ATG4B: variants seen among roughly 807,000 people sequenced by gnomAD.
The protein encoded by ATG4B is autophagy related 4B cysteine peptidase.
ATG4B carries 29 observed loss-of-function variants against 56.6 expected under a neutral mutation model. That is an observed-to-expected ratio of 0.51 (90% CI 0.38 to 0.70). ATG4B has a LOEUF of 0.70. ATG4B is among the 30% of genes least tolerant of loss of function. The pLI is 0.00. For synonymous variants in ATG4B, 224 were observed against 206.1 expected, an observed-to-expected ratio of 1.09 and a Z score of -0.74; for missense variants, 461 against 515.5, an observed-to-expected ratio of 0.89 and a Z score of 1.02.
chr2:241,644,064 G>A (rs1487770851), intron 1 of ATG4B, among the ~76,000 whole-genome samples: 1 of 152,068 alleles, frequency 6.6e-6, no homozygotes, highest in African/African-American at 2.4e-5. Context: ...AGTCAGTGAA[G>A]GAACAAGTGT....
chr2:241,651,835 G>A lies in ATG4B; in HGVS notation c.184+500G>A. 1 of 1,210,504 alleles carries A rather than the reference G, an allele frequency of 8.3e-7. No individual in the cohort carries two copies. The highest frequency in any genetic ancestry group is 1.3e-5 in the South Asian group (1 of 79,180). The allele number at this position is 1,210,504 out of a possible 1,614,324, so 75.0% of individuals were successfully genotyped here. A position where few individuals can be genotyped will look rare whatever the true frequency, so the allele number is the denominator to read the frequency against. ...CCTGTGGGGAGATTTGAAGGGCCAGGTGAATGTGACATGTTTTTATGTAAC... is the reference window on the plus strand; with the variant it reads ...CCTGTGGGGAGATTTGAAGGGCCAGATGAATGTGACATGTTTTTATGTAAC... On this transcript the variant is annotated intron_variant, in intron 3 of 12. Coordinates refer to ENST00000404914, the MANE Select transcript of ATG4B (RefSeq NM_013325.5). This position sits in a 1 kb window ranked among gnomAD's most constrained non-coding sequence, Gnocchi z 4.1.
intron 1 of ATG4B, among the ~76,000 whole-genome samples, chr2:241,639,677 G>A (rs368127346): frequency 2.6e-5 from 4 of 152,164 alleles, no homozygotes; most frequent in African/African-American, 7.2e-5. Context: ...ACCCAAAGTC[G>A]GGTGGTCTCC....
intron 11 of ATG4B, 100 bp downstream of exon 11, chr2:241,670,882 C>A: frequency 8.1e-7 from 1 of 1,238,436 alleles, no homozygotes; most frequent in Non-Finnish European, 1.2e-6. Context: ...TCTCAGGCAG[C>A]CTCACTGGGC....
rs112575235 is a variant in ATG4B, at chr2:241,671,640, G to A, written c.1108+235G>A. The A allele has an allele frequency of 0.012, 17,011 of 1,455,284 alleles. 1,406 individuals are homozygous for A. In the African/African-American group the frequency reaches 0.19, roughly 16 times the overall value. 90.1% of individuals were successfully genotyped at this position (1,455,284 alleles called of 1,614,324 possible). On this transcript the variant is annotated intron_variant, in intron 12 of 12. Transcript: ENST00000404914. Reference sequence around the variant, plus strand: ...CCCCACCAGCGCTGCCTGCCCGGGCGCTGTGGAGCTGGGCGTGCTACCATG... The same window carrying A: ...CCCCACCAGCGCTGCCTGCCCGGGCACTGTGGAGCTGGGCGTGCTACCATG...
intron 10 of ATG4B, among the ~76,000 whole-genome samples, chr2:241,669,799 G>A (rs1055405194): frequency 6.6e-5 from 10 of 152,198 alleles, no homozygotes; most frequent in African/African-American, 1.2e-4. Flanking sequence ...GAGCCACTGC[G>A]CGCAGCCTGG....
At chr2:241,654,430 A>G in intron 4 of ATG4B, 116 bp from the exon 5 acceptor site, 1 of 702,678 alleles carries the variant, frequency 1.4e-6, no homozygotes, top group Non-Finnish European at 2.3e-6. Context: ...AAAAAAAAAA[A>G]AAAAAAAAAA....
chr2:241,666,307 G>C (rs1320592946), intron 7 of ATG4B, among the ~76,000 whole-genome samples: 5 of 152,254 alleles, frequency 3.3e-5, no homozygotes, highest in Non-Finnish European at 7.3e-5. Context: ...GGTTCTGGCT[G>C]TGCTGGCACT....
intron 3 of ATG4B, chr2:241,653,257 A>C (rs760210872): frequency 6.0e-6 from 8 of 1,341,484 alleles, no homozygotes; most frequent in Non-Finnish European, 8.3e-6. Context: ...TTTGTCAGAC[A>C]TTCCTTTTGC....
chr2:241,663,503 T>C (rs1355751933), intron 7 of ATG4B, among the ~76,000 whole-genome samples: 1 of 152,240 alleles, frequency 6.6e-6, no homozygotes, highest in African/African-American at 2.4e-5. Context: ...ACTATGTATC[T>C]GAACCTGATG....
In ATG4B at chr2:241,672,906, C is replaced by T. The variant is rs1280795836; in HGVS notation, c.*642C>T. 3 of 161,514 alleles carry T rather than the reference C, an allele frequency of 1.9e-5. No homozygotes were observed. The East Asian group carries it at 5.3e-4, about 29-fold the overall frequency. The allele number at this position is 161,514 out of a possible 1,614,324, so 10.0% of individuals were successfully genotyped here. A position where few individuals can be genotyped will look rare whatever the true frequency, so the allele number is the denominator to read the frequency against. On this transcript the variant is annotated 3_prime_UTR_variant, in exon 13 of 13. Transcript: ENST00000404914. ...GGGTGTGTGGGAAACCTGAAGATGGCGTGCACAGGACACAGCGTGGGCGGC... is the reference window on the plus strand; with the variant it reads ...GGGTGTGTGGGAAACCTGAAGATGGTGTGCACAGGACACAGCGTGGGCGGC...
chr2:241,649,508 A>G (rs2068165900), intron 1 of ATG4B, among the ~76,000 whole-genome samples: 1 of 152,226 alleles, frequency 6.6e-6, no homozygotes, highest in Admixed American at 6.5e-5. Flanking sequence ...AGGATGAGTG[A>G]TCAGACACCA....
intron 1 of ATG4B, among the ~76,000 whole-genome samples, chr2:241,650,062 G>A (rs554633362): frequency 5.3e-5 from 8 of 152,258 alleles, no homozygotes; most frequent in Admixed American, 3.9e-4. Context: ...GGGATCACAG[G>A]CATGAGCCAC....
rs914552382 is a variant in ATG4B at position 241,668,752 on chromosome 2, A to G, written c.957+67A>G. On this transcript the variant is annotated intron_variant, in intron 10 of 12. Coordinates refer to ENST00000404914, the MANE Select transcript of ATG4B (RefSeq NM_013325.5). The surrounding 1 kb of genome is among the most constrained non-coding windows in gnomAD (Gnocchi z 4.2). ...ATGCTGTTTGGGAATGACGAGGAAA[A>G]CTTTCGGATTTTTGCGTTTTTTTTT... The G allele has an allele frequency of 3.4e-5, 51 of 1,503,046 alleles. No individual in the cohort carries two copies. The highest frequency in any genetic ancestry group is 1.4e-5 in the African/African-American group (1 of 69,532). The allele number at this position is 1,503,046 out of a possible 1,614,324, so 93.1% of individuals were successfully genotyped here.
At chr2:241,646,411 C>T (rs530265996) in intron 1 of ATG4B, among the ~76,000 whole-genome samples, 25 of 152,312 alleles carry the variant, frequency 1.6e-4, no homozygotes, top group African/African-American at 6.0e-4. Flanking sequence ...ACTGATTCAA[C>T]AATATGGTCC....
intron 1 of ATG4B, 59 bp from the exon 2 acceptor site, chr2:241,650,951 T>C: frequency 1.4e-6 from 2 of 1,419,220 alleles, no homozygotes; most frequent in South Asian, 2.5e-5. Flanking sequence ...ATGGCCTCTT[T>C]CGATACTAGT....
intron 11 of ATG4B, 76 bp downstream of exon 11, chr2:241,670,858 G>A (rs928541581): frequency 6.2e-6 from 9 of 1,442,624 alleles, no homozygotes; most frequent in Non-Finnish European, 8.6e-6. Flanking sequence ...AGGGGTCGAA[G>A]GCCTGCGTCC....
rs371577954 is a variant in ATG4B at position 241,639,178 on chromosome 2, A to T, written c.10+1454A>T. Among the ~76,000 whole-genome samples, 5 of 152,312 alleles carry T rather than the reference A, an allele frequency of 3.3e-5. No homozygotes were observed. The East Asian group carries it at 7.7e-4, about 23-fold the overall frequency. On this transcript the variant is annotated intron_variant, in intron 1 of 12. Coordinates refer to ENST00000404914, the MANE Select transcript of ATG4B (RefSeq NM_013325.5). Reference sequence around the variant, plus strand: ...CAGCTGTTTCAAGCGCAGGCACCAGAGTGGGCTCTGCAGAGCTTACAGCTA... The same window carrying T: ...CAGCTGTTTCAAGCGCAGGCACCAGTGTGGGCTCTGCAGAGCTTACAGCTA...
intron 1 of ATG4B, among the ~76,000 whole-genome samples, chr2:241,645,800 G>A (rs1295433979): frequency 2.0e-5 from 3 of 152,042 alleles, no homozygotes; most frequent in African/African-American, 4.8e-5. Context: ...CAGAGTGTCC[G>A]CCACTAGCCC....
chr2:241,654,298 G>A (rs540586762), intron 4 of ATG4B, among the ~76,000 whole-genome samples: 225 of 151,996 alleles, frequency 1.5e-3, no homozygotes, highest in Middle Eastern at 3.4e-3. Flanking sequence ...ACATGTGCCT[G>A]TAGTCCCAGC....
Sources: gnomAD v4.1 joint callset for allele counts (sites outside exome capture counted in the v4.1 genomes callset) on GRCh38, gnomAD v4.1.1 for gene constraint, Gnocchi (gnomAD v3.1) non-coding constraint, MANE v1.5 for transcripts, NCBI Gene and HGNC (gene_info 2026-07-23, HGNC 2026-07-21) for gene names.